The following ZNF804A variants were observed in gnomAD, a reference collection of about 807,000 sequenced individuals.
The protein encoded by ZNF804A is zinc finger protein 804A.
Under a neutral mutation model 16.5 loss-of-function variants are expected in ZNF804A, and 2 were observed. That is an observed-to-expected ratio of 0.12 (90% CI 0.05 to 0.38). The LOEUF (loss-of-function observed/expected upper bound fraction) is 0.38. Ranked by LOEUF, ZNF804A falls within the 10% of genes least tolerant of loss-of-function variation. The pLI, the probability that ZNF804A is intolerant of heterozygous loss-of-function variation, is 0.99. For synonymous variants in ZNF804A, 534 were observed against 489.6 expected (o/e 1.09, Z -1.20); for missense variants, 1,473 against 1,390.7 (o/e 1.06, Z -0.94).
intron 1 of ZNF804A, among the ~76,000 whole-genome samples, chr2:184,668,329 G>A (rs1294161378): frequency 6.6e-6 from 1 of 151,856 alleles, no homozygotes; most frequent in East Asian, 1.9e-4. Context: ...ATGTTGCTAA[G>A]TGAAATAAGC....
intron 1 of ZNF804A, among the ~76,000 whole-genome samples, chr2:184,860,620 T>C (rs1225226647): frequency 6.6e-6 from 1 of 152,136 alleles, no homozygotes; most frequent in East Asian, 1.9e-4. Context: ...TCCGCAAGGA[T>C]AGCCTGATTT....
intron 1 of ZNF804A, among the ~76,000 whole-genome samples, chr2:184,715,975 A>G (rs1280781688): frequency 6.6e-6 from 1 of 152,176 alleles, no homozygotes; most frequent in Non-Finnish European, 1.5e-5. Context: ...TTTCACGCCA[A>G]CAGGTCTAAT....
chr2:184,699,247 A>T (rs1429777019), intron 1 of ZNF804A, among the ~76,000 whole-genome samples: 1 of 152,140 alleles, frequency 6.6e-6, no homozygotes, highest in Non-Finnish European at 1.5e-5. Flanking sequence ...GAATTACCAA[A>T]TATTCTAGGC....
rs1314667338 is a variant in ZNF804A at position 184,834,545 on chromosome 2, GC to G, written c.112-31823del. Among the ~76,000 whole-genome samples the G allele has an allele frequency of 7.9e-5, 12 of 152,138 alleles. No homozygotes were observed. In the East Asian group the frequency reaches 2.3e-3, roughly 29 times the overall value. On this transcript the variant is annotated intron_variant, in intron 1 of 3. Transcript: ENST00000302277. ...TCATACACTCCTCTCTCTCTGTCTT[GC>G]TGCTGCTCCCTTTACCTTCCTTTCT...
chr2:184,773,640 G>A (rs1411591030), intron 1 of ZNF804A, among the ~76,000 whole-genome samples: 1 of 151,826 alleles, frequency 6.6e-6, no homozygotes, highest in African/African-American at 2.4e-5. Context: ...AGTGAACTTT[G>A]GGGACTGAGG....
At chr2:184,750,978 T>A (rs1693869038) in intron 1 of ZNF804A, among the ~76,000 whole-genome samples, 1 of 151,478 alleles carries the variant, frequency 6.6e-6, no homozygotes. Context: ...AATGGTCTAC[T>A]GTTCACCCTG....
At chr2:184,856,394 G>C (rs961791441) in intron 1 of ZNF804A, among the ~76,000 whole-genome samples, 4 of 151,724 alleles carry the variant, frequency 2.6e-5, no homozygotes, top group Admixed American at 6.6e-5. Context: ...TGAAAACAAA[G>C]CGTCATAGGT....
intron 1 of ZNF804A, among the ~76,000 whole-genome samples, chr2:184,768,756 G>A (rs1440597909): frequency 6.6e-6 from 1 of 151,838 alleles, no homozygotes; most frequent in Admixed American, 6.6e-5. Context: ...TATAATTTTG[G>A]ACCTTTGTTA....
Position 184,644,927 on chromosome 2 carries a change from C to T in ZNF804A, c.111+45857C>T, listed in dbSNP as rs1484792894. ...CTTAAATAAAAATCTGTCACAATTA[C>T]CTGGTGTATGGCTTTTATTTAGAAG... On this transcript the variant is annotated intron_variant, in intron 1 of 3. Transcript: ENST00000302277. Among the ~76,000 whole-genome samples, 3 of 152,100 alleles carry T rather than the reference C, an allele frequency of 2.0e-5. No individual in the cohort carries two copies. The East Asian group carries it at 5.8e-4, about 29-fold the overall frequency.
At chr2:184,609,670 G>T (rs770051206) in intron 1 of ZNF804A, among the ~76,000 whole-genome samples, 2 of 152,234 alleles carry the variant, frequency 1.3e-5, no homozygotes, top group Admixed American at 6.5e-5. Context: ...ATGGACGACA[G>T]AGAGGGAGGT....
At chr2:184,739,722 A>T (rs1693684741) in intron 1 of ZNF804A, among the ~76,000 whole-genome samples, 1 of 152,088 alleles carries the variant, frequency 6.6e-6, no homozygotes, top group Admixed American at 6.6e-5. Flanking sequence ...ACTAATGCAA[A>T]ATACAGATAT....
intron 2 of ZNF804A, among the ~76,000 whole-genome samples, chr2:184,901,468 T>C (rs1406679171): frequency 6.6e-6 from 1 of 152,058 alleles, no homozygotes; most frequent in African/African-American, 2.4e-5. Flanking sequence ...AGTAATGACA[T>C]GAGAGAAGTT....
rs1695267837 is a variant in ZNF804A at position 184,831,978 on chromosome 2, T to C, written c.112-34391T>C. Among the ~76,000 whole-genome samples the C allele has an allele frequency of 2.6e-5, 4 of 152,036 alleles. No homozygotes were observed. The South Asian group carries it at 6.2e-4, about 24-fold the overall frequency. ...GGAAACGAGTTTTTCTCTCTTACCA[T>C]ATATAGAAAATAAGGAGATTCAAGG... On this transcript the variant is annotated intron_variant, in intron 1 of 3. Coordinates refer to ENST00000302277, the MANE Select transcript of ZNF804A (RefSeq NM_194250.2).
chr2:184,672,297 A>T (rs1346839393), intron 1 of ZNF804A, among the ~76,000 whole-genome samples: 1 of 152,236 alleles, frequency 6.6e-6, no homozygotes, highest in Non-Finnish European at 1.5e-5. Flanking sequence ...GAAACTGTAG[A>T]TGACTTGGAC....
At chr2:184,789,581 T>C (rs1217137800) in intron 1 of ZNF804A, among the ~76,000 whole-genome samples, 1 of 152,080 alleles carries the variant, frequency 6.6e-6, no homozygotes, top group Non-Finnish European at 1.5e-5. Context: ...TATGTTTCCA[T>C]GAATTTATTC....
At chr2:184,832,712 T>A (rs1236746417) in intron 1 of ZNF804A, among the ~76,000 whole-genome samples, 1 of 152,002 alleles carries the variant, frequency 6.6e-6, no homozygotes, top group Non-Finnish European at 1.5e-5. Flanking sequence ...AATTGCTTGA[T>A]AAATGCTCTT....
At chr2:184,934,859 A>T (rs1685759873) in intron 3 of ZNF804A, among the ~76,000 whole-genome samples, 1 of 152,168 alleles carries the variant, frequency 6.6e-6, no homozygotes, top group Admixed American at 6.5e-5. Flanking sequence ...ATGCTTCAAA[A>T]GATGGGAAAA....
chr2:184,701,284 AG>A (rs2105731257), intron 1 of ZNF804A, among the ~76,000 whole-genome samples: 1 of 152,054 alleles, frequency 6.6e-6, no homozygotes, highest in East Asian at 1.9e-4. Flanking sequence ...AAAGACTTGA[AG>A]TGTTTCCAGG....
chr2:184,731,317 C>CACACAGTTGTGCTAAATAGCA (rs1357271234), intron 1 of ZNF804A, among the ~76,000 whole-genome samples: 2 of 143,706 alleles, frequency 1.4e-5, no homozygotes, highest in African/African-American at 2.5e-5. Context: ...AAACTGTGTT[C>CACACAGTTGTGCTAAATAGCA]CAAAGTGGTT....
Sources: allele counts gnomAD v4.1 joint callset (sites outside exome capture counted in the v4.1 genomes callset), GRCh38; gene constraint gnomAD v4.1.1; transcripts MANE v1.5; gene names NCBI Gene and HGNC (gene_info 2026-07-23, HGNC 2026-07-21).